The following GOSR1 variants were observed in gnomAD, a reference collection of about 807,000 sequenced individuals.
The protein encoded by GOSR1 is 28 kDa Golgi SNARE protein.
A neutral mutation model predicts 35.5 loss-of-function variants in GOSR1; 21 were observed. The observed-to-expected ratio is 0.59, with a 90% CI of 0.42 to 0.85. GOSR1 has a LOEUF of 0.85. Ranked by LOEUF, GOSR1 falls within the 40% of genes least tolerant of loss-of-function variation. The pLI is 0.00. For missense variants in GOSR1, 285 were observed against 309.6 expected (o/e 0.92, Z 0.60); for synonymous variants, 94 against 106.6 (o/e 0.88, Z 0.73).
intron 6 of GOSR1, among the ~76,000 whole-genome samples, chr17:30,508,968 T>C (rs1967512051): frequency 1.3e-5 from 2 of 152,100 alleles, no homozygotes; most frequent in African/African-American, 4.8e-5. Flanking sequence ...GATTTATATA[T>C]GGTATTTATG....
chr17:30,502,285 G>A (rs575983291), intron 6 of GOSR1, among the ~76,000 whole-genome samples: 41 of 152,292 alleles, frequency 2.7e-4, no homozygotes, highest in African/African-American at 9.4e-4. Context: ...ATGGATCCAT[G>A]ACAAAACCCC....
chr17:30,485,203 C>A, intron 4 of GOSR1: 4 of 189,940 alleles, frequency 2.1e-5, no homozygotes, highest in Admixed American at 5.4e-5. Flanking sequence ...ACCAATAAAA[C>A]TAAATAAACT....
chr17:30,509,264 C>T (rs554421656), intron 6 of GOSR1, among the ~76,000 whole-genome samples: 9 of 150,424 alleles, frequency 6.0e-5, no homozygotes, highest in Non-Finnish European at 7.4e-5. Context: ...TGTGAGCCAC[C>T]GTGCCCAGCT....
At position 30,492,677 on chromosome 17, in the gene GOSR1, AG is replaced by A; in HGVS notation, c.435del. The A allele has an allele frequency of 6.4e-7, 1 of 1,551,736 alleles. No individual in the cohort carries two copies. Among genetic ancestry groups the A allele is most frequent in the Non-Finnish European group, 8.9e-7 (1 of 1,125,144 alleles). On this transcript the variant is annotated splice_acceptor_variant, in intron 5 of 8. Transcript: ENST00000451249. LOFTEE classifies it high-confidence loss of function. ...GTTTTTAAATTTTCTCTTTTGTCCC[AG>A]GTCATATAAAAGTGGGTCTGGAGTA...
At chr17:30,490,079 A>C (rs764131481) in intron 4 of GOSR1, 47 bp from the exon 5 acceptor site, 13 of 873,542 alleles carry the variant, frequency 1.5e-5, no homozygotes, top group Middle Eastern at 6.6e-4. Flanking sequence ...AGTGAGATGA[A>C]AATCCATAAT....
chr17:30,489,687 AT>A (rs1479963991), intron 4 of GOSR1, among the ~76,000 whole-genome samples: 1 of 152,156 alleles, frequency 6.6e-6, no homozygotes, highest in Non-Finnish European at 1.5e-5. Context: ...GTTCCTTATA[AT>A]TCTCTTGATT....
rs1968118881 is a variant in GOSR1 at position 30,523,540 on chromosome 17, C to G, written c.*1162C>G. 1 of 155,340 alleles carries G rather than the reference C, an allele frequency of 6.4e-6. No homozygotes were observed. The highest frequency in any genetic ancestry group is 2.5e-5 in the African/African-American group (1 of 40,636). 9.6% of individuals were successfully genotyped at this position (155,340 alleles called of 1,614,324 possible). On this transcript the variant is annotated 3_prime_UTR_variant, in exon 9 of 9. Coordinates refer to ENST00000451249, the MANE Select transcript of GOSR1 (RefSeq NM_001007025.2). ...GGAGGGAGGTGGGGGGGTCAGCCCC[C>G]CGCCCGGCCAGCCGCCCCGTCCGGG...
intron 6 of GOSR1, among the ~76,000 whole-genome samples, chr17:30,507,737 AAAAAAAG>A (rs1967457381): frequency 6.6e-6 from 1 of 151,466 alleles, no homozygotes; most frequent in African/African-American, 2.4e-5. Flanking sequence ...AAAAAAAAAA[AAAAAAAG>A]TTAGAAAGCG....
At chr17:30,486,341 A>G (rs1914682595) in intron 4 of GOSR1, among the ~76,000 whole-genome samples, 3 of 151,632 alleles carry the variant, frequency 2.0e-5, no homozygotes, top group African/African-American at 7.3e-5. Context: ...GCAGGGTGAA[A>G]CCCCTTCTCT....
chr17:30,518,227 A>T (rs549679526), intron 7 of GOSR1, among the ~76,000 whole-genome samples: 5 of 152,140 alleles, frequency 3.3e-5, no homozygotes, highest in Non-Finnish European at 7.3e-5. Context: ...CCCTGCTGTC[A>T]GTTCCCTGGT....
intron 1 of GOSR1, chr17:30,477,789 G>C (rs1172742619): frequency 2.0e-6 from 2 of 985,168 alleles, no homozygotes. Context: ...AGGGGCTTGG[G>C]GTACGAACTC....
Position 30,492,752 on chromosome 17 carries a change from A to G in GOSR1, c.508A>G (p.Asn170Asp). ...TTTGAAAGAACATGACCACCTTCGA[A>G]AGTAGGTATTGAATGTATGTGCATT... ...LFLKEHDHLR[N>D]SDRLIEETIS... is the part of the protein sequence containing the mutation. The change falls in exon 6 of 9, where the codon AAC becomes GAC. Residue 170 changes from asparagine (N) to aspartate (D), a missense_variant and splice_region_variant. Asn to Asp is a conservative substitution (Grantham distance 23, BLOSUM62 1). Around this residue, in one of 3 missense-constraint regions of GOSR1, gnomAD observed 168 missense variants for 183.2 expected, o/e 0.92. Coordinates refer to ENST00000451249, the MANE Select transcript of GOSR1 (RefSeq NM_001007025.2). 6.4e-7 allele frequency: 1 copy of G among 1,557,134 alleles called. No individual in the cohort carries two copies. The highest frequency in any genetic ancestry group is 1.7e-5 in the Admixed American group (1 of 59,932).
chr17:30,501,652 C>T (rs1038951280), intron 6 of GOSR1, among the ~76,000 whole-genome samples: 5 of 152,092 alleles, frequency 3.3e-5, no homozygotes, highest in African/African-American at 1.2e-4. Flanking sequence ...CGTGCCACCA[C>T]ACCCGGCTAA....
chr17:30,488,355 G>C (rs1324113053), intron 4 of GOSR1, among the ~76,000 whole-genome samples: 3 of 151,218 alleles, frequency 2.0e-5, no homozygotes, highest in Non-Finnish European at 4.4e-5. Context: ...TAGTAGAGAT[G>C]GGGTTTCACC....
At chr17:30,478,547 A>C (rs1914101622) in intron 1 of GOSR1, 1 of 149,430 alleles carries the variant, frequency 6.7e-6, no homozygotes, top group Non-Finnish European at 1.5e-5. Flanking sequence ...TGTGTGTACC[A>C]GCTAGAAAAC....
intron 6 of GOSR1, among the ~76,000 whole-genome samples, chr17:30,506,084 T>C (rs1344025493): frequency 6.6e-6 from 1 of 152,156 alleles, no homozygotes; most frequent in Non-Finnish European, 1.5e-5. Context: ...TCACTCCTCC[T>C]CAGGCCCCTC....
intron 4 of GOSR1, among the ~76,000 whole-genome samples, chr17:30,488,648 C>T (rs1008938538): frequency 6.6e-6 from 1 of 151,696 alleles, no homozygotes; most frequent in Non-Finnish European, 1.5e-5. Context: ...ATTCTCCTGC[C>T]TCAAACTCCT....
chr17:30,498,534 G>A (rs887824599), intron 6 of GOSR1, among the ~76,000 whole-genome samples: 8 of 152,192 alleles, frequency 5.3e-5, no homozygotes, highest in Non-Finnish European at 8.8e-5. Flanking sequence ...TAGAGAAGTC[G>A]AACATCTGAT....
chr17:30,511,039 T>C (rs375437271), intron 7 of GOSR1, 130 bp downstream of exon 7: 17 of 531,118 alleles, frequency 3.2e-5, no homozygotes, highest in African/African-American at 2.5e-4. Context: ...TCGTTTATCC[T>C]CCTTAAAGAT....
Sources: gnomAD v4.1 joint callset for allele counts (sites outside exome capture counted in the v4.1 genomes callset) on GRCh38, gnomAD v4.1.1 for gene constraint, gnomAD v4.1.1 regional missense constraint, MANE v1.5 for transcripts, NCBI Gene and HGNC (gene_info 2026-07-23, HGNC 2026-07-21) for gene names.